Variants in NCR2 observed in about 807,000 individuals in gnomAD.
NCR2 encodes NK cell activating receptor (NKp44).
NCR2 carries 35 observed loss-of-function variants against 30.7 expected under a neutral mutation model. The ratio of observed to expected loss-of-function variants is 1.14; its 90% CI spans 0.87 to 1.51. The LOEUF is 1.51. Among genes scored for constraint, NCR2 ranks in the 40% most tolerant of loss-of-function variants. The probability of loss-of-function intolerance (pLI) is 0.00; values close to 1 mark genes in which losing one functional copy is unlikely to be tolerated. For missense variants in NCR2, 316 were observed against 328.9 expected, an observed-to-expected ratio of 0.96 and a Z score of 0.30; for synonymous variants, 146 against 134.8, an observed-to-expected ratio of 1.08 and a Z score of -0.58.
intron 4 of NCR2, among the ~76,000 whole-genome samples, chr6:41,347,582 C>T (rs1181865871): frequency 1.3e-5 from 2 of 152,236 alleles, no homozygotes; most frequent in East Asian, 3.8e-4. Context: ...CCACTTCTGC[C>T]TTCTTGAGAT....
At position 41,350,689 on chromosome 6, in the gene NCR2, G is replaced by C. The variant is rs1468867771; in HGVS notation, c.656G>C (p.Trp219Ser). 6.2e-7 allele frequency: 1 copy of C among 1,613,140 alleles called. No homozygotes were observed. The highest frequency in any genetic ancestry group is 8.5e-7 in the Non-Finnish European group (1 of 1,179,596). The change falls in exon 5 of 5, where the codon TGG (tryptophan) becomes TCG (serine). Residue 219 changes from tryptophan to serine, a missense_variant. Trp to Ser is a radical substitution (Grantham distance 177). Coordinates refer to ENST00000373089, the MANE Select transcript of NCR2 (RefSeq NM_004828.4). ...SALLVWWGDIWWKTMMELRSL... is the reference protein window; with the variant it reads ...SALLVWWGDISWKTMMELRSL... ...TGCTCTGATTGCAGGGGGGACATAT[G>C]GTGGAAAACCATGATGGAGCTCAGG...
Position 41,343,007 on chromosome 6 carries a change from T to A in NCR2, c.644+858T>A, listed in dbSNP as rs771395115. The A allele has an allele frequency of 1.5e-5, 23 of 1,550,440 alleles. No individual in the cohort carries two copies. In the East Asian group the frequency reaches 5.4e-4, roughly 36 times the overall value. The stretch of plus-strand genomic sequence containing the variant: ...CCCCAGGCCCATAGACACTTCCCAC[T>A]GAGCCACAGGGCACCAGGTGGGCGG... On this transcript the variant is annotated intron_variant, in intron 4 of 4. Transcript: ENST00000373089.
Position 41,336,163 on chromosome 6 carries a change from G to T in NCR2, c.129G>T (p.Pro43=), listed in dbSNP as rs569305538. 1.9e-6 allele frequency: 3 copies of T among 1,614,108 alleles called. No individual in the cohort carries two copies. The highest frequency in any genetic ancestry group is 2.7e-5 in the African/African-American group (2 of 75,050). Residue 43 remains proline, a synonymous_variant, in exon 2 of 5, where the codon CCG becomes CCT. Transcript: ENST00000373089. ...CGCTAACCGTGAGATGCCAGTACCC[G>T]CCCACGGGCAGTCTCTACGAGAAGA... ...GQTLTVRCQY[P]PTGSLYEKKG...
rs763900852 is a variant in NCR2 at position 41,336,434 on chromosome 6, C to T, written c.394+6C>T. The stretch of plus-strand genomic sequence containing the variant: ...CTATCTGGTGGTATCTCCAGGTGAG[C>T]TCTTTCCCTAGGGTCCTCAGAGGGG... On this transcript the variant is annotated splice_donor_region_variant and intron_variant, in intron 2 of 4. Transcript: ENST00000373089. The T allele has an allele frequency of 2.5e-6, 4 of 1,608,072 alleles. No homozygotes were observed. Among genetic ancestry groups the T allele is most frequent in the Non-Finnish European group, 3.4e-6 (4 of 1,175,474 alleles).
chr6:41,343,437 G>A (rs28429712), intron 4 of NCR2, among the ~76,000 whole-genome samples: 1 of 152,200 alleles, frequency 6.6e-6, no homozygotes, highest in Non-Finnish European at 1.5e-5. Context: ...CCATGATCAC[G>A]CCACTGCACT....
At chr6:41,344,566 C>T (rs1769253120) in intron 4 of NCR2, among the ~76,000 whole-genome samples, 1 of 152,236 alleles carries the variant, frequency 6.6e-6, no homozygotes, top group Non-Finnish European at 1.5e-5. Flanking sequence ...TGTACACGAT[C>T]ACATTTTTCA....
At chr6:41,344,796 C>T (rs116677682) in intron 4 of NCR2, among the ~76,000 whole-genome samples, 2,907 of 152,354 alleles carry the variant, frequency 0.019, 62 homozygotes, top group Non-Finnish European at 0.031. Flanking sequence ...ACCTTTGCCG[C>T]TTCTCGGCCA....
rs755174301 is a variant in NCR2 at position 41,341,941 on chromosome 6, G to A, written c.530+12G>A. ...CCTGTCCCTTCACAGTGAGTTTCGG[G>A]GTGCCCGTAGCCACACAGGCCTGGG... is the stretch of plus-strand genomic sequence containing the variant. On this transcript the variant is annotated intron_variant, in intron 3 of 4. Transcript: ENST00000373089. The A allele has an allele frequency of 1.9e-6, 3 of 1,613,084 alleles. No individual in the cohort carries two copies. Among genetic ancestry groups the A allele is most frequent in the East Asian group, 2.2e-5 (1 of 44,858 alleles).
At chr6:41,350,590 G>T in intron 4 of NCR2, 88 bp from the exon 5 acceptor site, 3 of 1,163,744 alleles carry the variant, frequency 2.6e-6, no homozygotes, top group Non-Finnish European at 3.7e-6. Flanking sequence ...CCTGCGAGTA[G>T]TGGGATGGGG....
At chr6:41,337,876 T>C (rs1769074616) in intron 2 of NCR2, among the ~76,000 whole-genome samples, 1 of 152,210 alleles carries the variant, frequency 6.6e-6, no homozygotes, top group Non-Finnish European at 1.5e-5. Flanking sequence ...GGATTCTAGA[T>C]CTATGAATTT....
chr6:41,350,502 T>C (rs1197468664), intron 4 of NCR2, among the ~76,000 whole-genome samples, 176 bp from the exon 5 acceptor site: 2 of 152,322 alleles, frequency 1.3e-5, no homozygotes, highest in East Asian at 3.9e-4. Context: ...TCAAAATCCA[T>C]GCATGCTCAC....
chr6:41,336,842 C>T (rs1769045416), intron 2 of NCR2, among the ~76,000 whole-genome samples: 1 of 151,764 alleles, frequency 6.6e-6, no homozygotes, highest in Non-Finnish European at 1.5e-5. Context: ...CCTCATAGTC[C>T]AGATCGGGGA....
intron 4 of NCR2, among the ~76,000 whole-genome samples, chr6:41,343,373 G>A (rs896647182): frequency 2.0e-5 from 3 of 152,206 alleles, no homozygotes; most frequent in Non-Finnish European, 4.4e-5. Context: ...CCACCACTGT[G>A]GGAGGCCAAG....
intron 4 of NCR2, among the ~76,000 whole-genome samples, chr6:41,344,197 G>C (rs528434286): frequency 2.6e-4 from 40 of 152,240 alleles, no homozygotes; most frequent in African/African-American, 8.9e-4. Flanking sequence ...GTCGTTACTG[G>C]GGTCCCAATA....
In NCR2 at chr6:41,341,994, C is replaced by T. The variant is rs1184924397; in HGVS notation, c.531-42C>T. ...GGGGCTGGCAGATGGAGACTTGCCT[C>T]CCCAGCCCGTCCTCTCCCCTTCCTG... On this transcript the variant is annotated intron_variant, in intron 3 of 4. Coordinates refer to ENST00000373089, the MANE Select transcript of NCR2 (RefSeq NM_004828.4). 3 of 1,612,750 alleles carry T rather than the reference C, an allele frequency of 1.9e-6. No individual in the cohort carries two copies. In the Admixed American group the frequency reaches 5.0e-5, roughly 27 times the overall value.
chr6:41,335,775 C>A lies in NCR2; in HGVS notation c.-102C>A. 7.7e-7 allele frequency: 1 copy of A among 1,299,322 alleles called. No homozygotes were observed. The highest frequency in any genetic ancestry group is 1.1e-6 in the Non-Finnish European group (1 of 917,368). 80.5% of individuals were successfully genotyped at this position (1,299,322 alleles called of 1,614,324 possible). On this transcript the variant is annotated 5_prime_UTR_variant, in exon 1 of 5. Coordinates refer to ENST00000373089, the MANE Select transcript of NCR2 (RefSeq NM_004828.4). Reference sequence around the variant, plus strand: ...GCCTCAGCCTGTCTCATTTTTCTATCAGACGTGCTGGAAGAGCAGCAGAAT... The same window carrying A: ...GCCTCAGCCTGTCTCATTTTTCTATAAGACGTGCTGGAAGAGCAGCAGAAT...
chr6:41,342,483 C>G (rs190687539), intron 4 of NCR2, among the ~76,000 whole-genome samples: 1 of 151,250 alleles, frequency 6.6e-6, no homozygotes, highest in Admixed American at 6.6e-5. Context: ...ATTCCACCCC[C>G]TTCCTCTCTC....
rs1317796984 is a variant in NCR2, at chr6:41,335,660, A to C, written c.-217A>C. 1 of 597,192 alleles carries C rather than the reference A, an allele frequency of 1.7e-6. No homozygotes were observed. The highest frequency in any genetic ancestry group is 3.0e-6 in the Non-Finnish European group (1 of 333,788). The allele number at this position is 597,192 out of a possible 1,614,324, so 37.0% of individuals were successfully genotyped here. A position where few individuals can be genotyped will look rare whatever the true frequency, so the allele number is the denominator to read the frequency against. On this transcript the variant is annotated 5_prime_UTR_variant, in exon 1 of 5. Transcript: ENST00000373089. ...CTGTGTGCCAGACAGCGCCGAGCCCACCAGACCCAGACTCACCTACAGCTG... is the reference window on the plus strand; with the variant it reads ...CTGTGTGCCAGACAGCGCCGAGCCCCCCAGACCCAGACTCACCTACAGCTG...
intron 4 of NCR2, among the ~76,000 whole-genome samples, chr6:41,347,086 G>T (rs144655531): frequency 6.6e-6 from 1 of 152,124 alleles, no homozygotes; most frequent in Admixed American, 6.5e-5. Flanking sequence ...ATGGAGGTGC[G>T]TACTTGTGGT....
Sources: gnomAD v4.1 joint callset for allele counts (sites outside exome capture counted in the v4.1 genomes callset) on GRCh38, gnomAD v4.1.1 for gene constraint, MANE v1.5 for transcripts, NCBI Gene and HGNC (gene_info 2026-07-23, HGNC 2026-07-21) for gene names.